Variants in RBMS3 observed in about 807,000 individuals in gnomAD.
The protein encoded by RBMS3 is RNA-binding motif, single-stranded-interacting protein 3.
In RBMS3, 27 loss-of-function variants were observed where a neutral mutation model predicts 66.8. That is an observed-to-expected ratio of 0.40 (90% confidence interval 0.30 to 0.56). The LOEUF is 0.56. RBMS3 is among the 20% of genes least tolerant of loss of function. The pLI, the probability that RBMS3 is intolerant of heterozygous loss-of-function variation, is 0.40. For synonymous variants in RBMS3, 188 were observed against 183.0 expected (o/e 1.03, Z -0.22); for missense variants, 513 against 549.5 (o/e 0.93, Z 0.66).
chr3:29,327,458 A>G (rs2125505495), intron 1 of RBMS3, among the ~76,000 whole-genome samples: 1 of 152,314 alleles, frequency 6.6e-6, no homozygotes, highest in East Asian at 1.9e-4. Flanking sequence ...AGTGGAGGAT[A>G]AATGACAGTT....
chr3:29,463,260 T>C (rs2042427944), intron 2 of RBMS3, among the ~76,000 whole-genome samples: 1 of 152,210 alleles, frequency 6.6e-6, no homozygotes, highest in African/African-American at 2.4e-5. Context: ...CAATGAGTAC[T>C]TGTACCTATA....
intron 6 of RBMS3, among the ~76,000 whole-genome samples, chr3:29,819,221 G>A (rs1056291962): frequency 2.0e-5 from 3 of 152,226 alleles, no homozygotes; most frequent in African/African-American, 4.8e-5. Context: ...ATCCATAGCC[G>A]TGTATTACAG....
chr3:29,885,370 C>T (rs1044692868), intron 8 of RBMS3, among the ~76,000 whole-genome samples: 1 of 151,728 alleles, frequency 6.6e-6, no homozygotes, highest in Non-Finnish European at 1.5e-5. Flanking sequence ...CAACAAAATT[C>T]TATAAACTGG....
chr3:29,997,734 A>C (rs890409039), intron 14 of RBMS3, among the ~76,000 whole-genome samples: 10 of 151,866 alleles, frequency 6.6e-5, no homozygotes, highest in Non-Finnish European at 1.0e-4. Context: ...CATGCTAAAA[A>C]CTCTTAATAA....
At chr3:29,999,386 C>A (rs1341631613) in intron 14 of RBMS3, among the ~76,000 whole-genome samples, 1 of 152,102 alleles carries the variant, frequency 6.6e-6, no homozygotes, top group Non-Finnish European at 1.5e-5. Context: ...CTAGAAATAC[C>A]ATTTGACCCA....
intron 3 of RBMS3, among the ~76,000 whole-genome samples, chr3:29,514,817 C>CAT (rs1286043927): frequency 1.3e-5 from 2 of 150,512 alleles, no homozygotes; most frequent in East Asian, 2.0e-4. Context: ...ATATGATAGG[C>CAT]ATATATATAA....
intron 1 of RBMS3, among the ~76,000 whole-genome samples, chr3:29,350,261 G>A (rs924961962): frequency 3.3e-5 from 5 of 152,034 alleles, no homozygotes; most frequent in Non-Finnish European, 5.9e-5. Flanking sequence ...AGAATTAAGG[G>A]ATGACTGTTC....
intron 6 of RBMS3, among the ~76,000 whole-genome samples, chr3:29,827,810 G>A (rs2058248695): frequency 6.6e-6 from 1 of 152,168 alleles, no homozygotes; most frequent in South Asian, 2.1e-4. Context: ...AGAACTGAGA[G>A]TCAGCAAGAT....
At chr3:29,584,102 T>C (rs2047426271) in intron 3 of RBMS3, among the ~76,000 whole-genome samples, 1 of 152,134 alleles carries the variant, frequency 6.6e-6, no homozygotes, top group African/African-American at 2.4e-5. Context: ...TCAATCCCCA[T>C]CACTTGCCTA....
intron 6 of RBMS3, among the ~76,000 whole-genome samples, chr3:29,842,607 C>T (rs2058687780): frequency 6.6e-6 from 1 of 152,060 alleles, no homozygotes; most frequent in Non-Finnish European, 1.5e-5. Flanking sequence ...TAATTGCATC[C>T]CAGAGATGTC....
rs530992085 is a variant in RBMS3 at position 29,973,233 on chromosome 3, G to A, written c.1099-14910G>A. Among the ~76,000 whole-genome samples the A allele has an allele frequency of 1.7e-4, 26 of 152,072 alleles. No homozygotes were observed. In the South Asian group the frequency reaches 5.0e-3, roughly 29 times the overall value. The stretch of plus-strand genomic sequence containing the variant: ...TGGCAAAAAGAAAACAGAATGTTAA[G>A]GAACACTGAAGAGGGTATGAGCAGA... On this transcript the variant is annotated intron_variant, in intron 12 of 14. Coordinates refer to ENST00000383767, the MANE Select transcript of RBMS3 (RefSeq NM_001003793.3).
chr3:29,403,086 A>G (rs2039880745), intron 1 of RBMS3, among the ~76,000 whole-genome samples: 6 of 152,042 alleles, frequency 3.9e-5, no homozygotes, highest in Admixed American at 6.6e-5. Flanking sequence ...TGCTGGTTAT[A>G]AATGAATCAG....
At chr3:29,350,780 A>G (rs1379444818) in intron 1 of RBMS3, among the ~76,000 whole-genome samples, 6 of 152,186 alleles carry the variant, frequency 3.9e-5, no homozygotes, top group Non-Finnish European at 8.8e-5. Context: ...AATATAAAAA[A>G]GGACCCCCAA....
intron 8 of RBMS3, among the ~76,000 whole-genome samples, chr3:29,892,541 G>A (rs2060025785): frequency 6.6e-6 from 1 of 151,416 alleles, no homozygotes; most frequent in African/African-American, 2.4e-5. Context: ...AATCACCTGT[G>A]GCTTAGAACC....
chr3:29,548,943 C>G (rs1401244714), intron 3 of RBMS3, among the ~76,000 whole-genome samples: 2 of 151,482 alleles, frequency 1.3e-5, no homozygotes, highest in Admixed American at 1.3e-4. Flanking sequence ...AAACAGAATG[C>G]AAATTATTTT....
intron 1 of RBMS3, among the ~76,000 whole-genome samples, chr3:29,382,542 C>T (rs1158611557): frequency 2.6e-5 from 4 of 152,140 alleles, no homozygotes; most frequent in Non-Finnish European, 4.4e-5. Flanking sequence ...TCCATGAAAA[C>T]GAATGCTCTG....
chr3:29,647,798 C>T (rs1231717593), intron 4 of RBMS3, among the ~76,000 whole-genome samples: 1 of 152,136 alleles, frequency 6.6e-6, no homozygotes, highest in African/African-American at 2.4e-5. Flanking sequence ...TAGTCACACA[C>T]ATTTCTGTTA....
intron 1 of RBMS3, among the ~76,000 whole-genome samples, chr3:29,419,703 A>G (rs1017339538): frequency 1.8e-4 from 28 of 152,224 alleles, no homozygotes; most frequent in African/African-American, 6.8e-4. Context: ...TCAATTATCC[A>G]TTATTCGCCA....
chr3:29,311,309 G>A (rs539644760), intron 1 of RBMS3, among the ~76,000 whole-genome samples: 3 of 151,698 alleles, frequency 2.0e-5, no homozygotes, highest in East Asian at 1.9e-4. Flanking sequence ...TGAGATCTCC[G>A]ATCAGCCTAG....
Sources: allele counts gnomAD v4.1 joint callset (sites outside exome capture counted in the v4.1 genomes callset), GRCh38; gene constraint gnomAD v4.1.1; transcripts MANE v1.5; gene names NCBI Gene and HGNC (gene_info 2026-07-23, HGNC 2026-07-21).